The following BRCA1 variants were observed in gnomAD, a reference collection of about 807,000 sequenced individuals.
BRCA1 encodes the protein breast cancer type 1 susceptibility protein.
In BRCA1, 140 loss-of-function variants were observed where a neutral mutation model predicts 173.7. The observed-to-expected ratio is 0.81, with a 90% confidence interval of 0.70 to 0.93. BRCA1 has a LOEUF of 0.93. BRCA1 is among the 40% of genes least tolerant of loss of function. BRCA1 has a pLI of 0.00. For synonymous variants in BRCA1, 662 were observed against 756.0 expected, an observed-to-expected ratio of 0.88 and a Z score of 2.04; for missense variants, 1,983 against 2,172.5, an observed-to-expected ratio of 0.91 and a Z score of 1.73.
chr17:43,152,609 C>T (rs1441144397), intron 1 of BRCA1, among the ~76,000 whole-genome samples: 3 of 152,076 alleles, frequency 2.0e-5, no homozygotes, highest in Non-Finnish European at 2.9e-5. Flanking sequence ...AATCCCAGCA[C>T]TCTGGGAGGC....
At chr17:43,162,087 G>A (rs1349772012) in intron 1 of BRCA1, 1 of 152,158 alleles carries the variant, frequency 6.6e-6, no homozygotes, top group Non-Finnish European at 1.5e-5. Flanking sequence ...GGATCAAGGG[G>A]ATTGGTTATT....
At chr17:43,114,956 T>C (rs955493381) in intron 3 of BRCA1, among the ~76,000 whole-genome samples, 1 of 152,210 alleles carries the variant, frequency 6.6e-6, no homozygotes, top group Non-Finnish European at 1.5e-5. Flanking sequence ...ATAACTTGAA[T>C]CACTGCTATA....
intron 10 of BRCA1, 193 bp downstream of exon 10, chr17:43,091,242 T>C (rs2053458223): frequency 1.1e-6 from 1 of 873,236 alleles, no homozygotes; most frequent in Non-Finnish European, 1.8e-6. Flanking sequence ...GCTCATTCAG[T>C]CAAAGATGAC....
At position 43,045,057 on chromosome 17, in the gene BRCA1, G is replaced by A. The variant is rs753783953; in HGVS notation, c.*621C>T. 1 of 515,888 alleles carries A rather than the reference G, an allele frequency of 1.9e-6. No homozygotes were observed. Among genetic ancestry groups the A allele is most frequent in the South Asian group, 1.5e-5 (1 of 64,982 alleles). The allele number at this position is 515,888 out of a possible 1,614,324, so 32.0% of individuals were successfully genotyped here. ...GACCTCCAGTGATCTGCCCACCTTG[G>A]CCTCCCAAAGTGCTGGGATTACAGG... On this transcript the variant is annotated 3_prime_UTR_variant, in exon 23 of 23. Transcript: ENST00000357654.
chr17:43,045,120 AT>A lies in BRCA1; in HGVS notation c.*557del. 1 of 533,686 alleles carries A rather than the reference AT, an allele frequency of 1.9e-6. No individual in the cohort carries two copies. The allele number at this position is 533,686 out of a possible 1,614,324, so 33.1% of individuals were successfully genotyped here. A position where few individuals can be genotyped will look rare whatever the true frequency, so the allele number is the denominator to read the frequency against. ...TGCCCAGGTTTCAAGTTTCCTTTTCATTTCTAATACCTGCCTCAGAATTTCC... is the reference window on the plus strand; with the variant it reads ...TGCCCAGGTTTCAAGTTTCCTTTTCATTCTAATACCTGCCTCAGAATTTCC... On this transcript the variant is annotated 3_prime_UTR_variant, in exon 23 of 23. Coordinates refer to ENST00000357654, the MANE Select transcript of BRCA1 (RefSeq NM_007294.4).
At chr17:43,106,727 C>T (rs2054808548) in intron 3 of BRCA1, among the ~76,000 whole-genome samples, 194 bp from the exon 4 acceptor site, 1 of 152,176 alleles carries the variant, frequency 6.6e-6, no homozygotes, top group South Asian at 2.1e-4. Flanking sequence ...ACCTAAACTA[C>T]ATAAGCAATG....
intron 19 of BRCA1, among the ~76,000 whole-genome samples, chr17:43,053,233 CATGCTCATA>C (rs1228518103): frequency 6.6e-6 from 1 of 152,170 alleles, no homozygotes; most frequent in Non-Finnish European, 1.5e-5. Flanking sequence ...ATAGGACCTG[CATGCTCATA>C]ATGCTAGAAG....
Position 43,143,715 on chromosome 17 carries a change from T to C in BRCA1, c.-19-19600A>G, listed in dbSNP as rs186756831. ...GCATTCTGCTGCCGTTATGGAACAG[T>C]GCATCTATGGAAGTGCATCAGCGGG... On this transcript the variant is annotated intron_variant, in intron 1 of 7. Coordinates refer to the BRCA1 transcript ENST00000634433. Among the ~76,000 whole-genome samples the C allele has an allele frequency of 4.7e-4, 72 of 152,272 alleles. 1 individual carries two copies. The East Asian group carries it at 0.011, about 24-fold the overall frequency.
intron 11 of BRCA1, among the ~76,000 whole-genome samples, chr17:43,088,486 T>C (rs1188836415): frequency 6.6e-6 from 1 of 152,184 alleles, no homozygotes; most frequent in Non-Finnish European, 1.5e-5. Flanking sequence ...ATAACATGTG[T>C]CCTTTGGTGT....
At chr17:43,095,487 T>G (rs943406193) in intron 9 of BRCA1, among the ~76,000 whole-genome samples, 5 of 151,110 alleles carry the variant, frequency 3.3e-5, no homozygotes, top group African/African-American at 1.2e-4. Context: ...GAGGCTGAAG[T>G]GGGAGGATAG....
chr17:43,085,398 C>T (rs906792058), intron 11 of BRCA1, among the ~76,000 whole-genome samples: 3 of 152,066 alleles, frequency 2.0e-5, no homozygotes, highest in Non-Finnish European at 4.4e-5. Flanking sequence ...TAGTGGTATA[C>T]CACTGCTGAT....
chr17:43,078,333 C>A (rs533192993), intron 12 of BRCA1, among the ~76,000 whole-genome samples: 3 of 152,294 alleles, frequency 2.0e-5, no homozygotes. Flanking sequence ...GATCCGCCAA[C>A]CTTGGCCTCA....
chr17:43,056,950 T>C (rs1393640713), intron 19 of BRCA1, 102 bp downstream of exon 19: 16 of 1,029,508 alleles, frequency 1.6e-5, no homozygotes, highest in East Asian at 2.4e-5. Context: ...TGTGTATGTA[T>C]GTAATAAGTC....
At chr17:43,073,534 T>C (rs2052547718) in intron 14 of BRCA1, among the ~76,000 whole-genome samples, 3 of 152,130 alleles carry the variant, frequency 2.0e-5, no homozygotes, top group Non-Finnish European at 4.4e-5. Flanking sequence ...GATTAAAAAC[T>C]TTCTTTACTG....
chr17:43,079,852 A>G (rs2052923262), intron 12 of BRCA1: 2 of 672,406 alleles, frequency 3.0e-6, no homozygotes, highest in Admixed American at 5.2e-5. Context: ...TCACCAGAAC[A>G]TTTAGCATAT....
Position 43,095,926 on chromosome 17 carries a change from T to C in BRCA1, c.594-4A>G, listed in dbSNP as rs80358081. ...TAACAATTCTTGATCTCCCACACTATAGGGAAAAGACAGAGTCCTAATAAG... is the reference window on the plus strand; with the variant it reads ...TAACAATTCTTGATCTCCCACACTACAGGGAAAAGACAGAGTCCTAATAAG... On this transcript the variant is annotated splice_polypyrimidine_tract_variant and splice_region_variant and intron_variant, in intron 8 of 22. Coordinates refer to ENST00000357654, the MANE Select transcript of BRCA1 (RefSeq NM_007294.4). 8 of 1,608,634 alleles carry C rather than the reference T, an allele frequency of 5.0e-6. No individual in the cohort carries two copies. The highest frequency in any genetic ancestry group is 4.4e-5 in the South Asian group (4 of 90,758).
intron 13 of BRCA1, among the ~76,000 whole-genome samples, 169 bp downstream of exon 13, chr17:43,076,319 C>CA (rs1441490323): frequency 1.3e-5 from 2 of 151,614 alleles, no homozygotes; most frequent in South Asian, 4.2e-4. Context: ...GTTATAGGTT[C>CA]AAAAAACCTA....
chr17:43,092,772 A>G lies in BRCA1; in HGVS notation c.2759T>C (p.Val920Ala), dbSNP rs80357008. The G allele has an allele frequency of 6.2e-7, 1 of 1,614,084 alleles. No individual in the cohort carries two copies. Among genetic ancestry groups the G allele is most frequent in the South Asian group, 1.1e-5 (1 of 91,078 alleles). Residue 920 changes from valine to alanine, a missense_variant, in exon 10 of 23, where the codon GTA (valine) becomes GCA (alanine). Transcript: ENST00000357654. ...QGKNESNIKP[V>A]QTVNITAGFP... is the part of the protein sequence containing the mutation. ...GCCTGCAGTGATATTAACTGTCTGTACAGGCTTGATATTAGACTCATTCTT... is the reference window on the plus strand; with the variant it reads ...GCCTGCAGTGATATTAACTGTCTGTGCAGGCTTGATATTAGACTCATTCTT...
intron 6 of BRCA1, 139 bp from the exon 7 acceptor site, chr17:43,100,019 C>T (rs2054315578): frequency 2.7e-6 from 2 of 747,078 alleles, no homozygotes; most frequent in Non-Finnish European, 4.8e-6. Context: ...GGAAAAAATG[C>T]CCAGGAATTT....
Sources: allele counts gnomAD v4.1 joint callset (sites outside exome capture counted in the v4.1 genomes callset), GRCh38; gene constraint gnomAD v4.1.1; transcripts MANE v1.5; gene names NCBI Gene and HGNC (gene_info 2026-07-23, HGNC 2026-07-21).